Variants in TRHDE observed in about 807,000 individuals in gnomAD.
TRHDE encodes thyrotropin-releasing hormone-degrading ectoenzyme.
A neutral mutation model predicts 125.7 loss-of-function variants in TRHDE; 72 were observed. The ratio of observed to expected loss-of-function variants is 0.57; its 90% confidence interval spans 0.47 to 0.70. The LOEUF is 0.70. TRHDE is among the 30% of genes least tolerant of loss of function. The probability of loss-of-function intolerance (pLI) is 0.00; values close to 1 mark genes in which losing one functional copy is unlikely to be tolerated. For synonymous variants in TRHDE, 509 were observed against 509.1 expected (o/e 1.00, Z 0.00); for missense variants, 1,110 against 1,327.1 (o/e 0.84, Z 2.54).
intron 2 of TRHDE, among the ~76,000 whole-genome samples, chr12:72,310,909 G>A (rs936821530): frequency 1.3e-5 from 2 of 152,028 alleles, no homozygotes; most frequent in African/African-American, 4.8e-5. Flanking sequence ...CTGCATTTGA[G>A]CTTCATGGAG....
At chr12:72,474,432 T>C (rs1592472302) in intron 5 of TRHDE, among the ~76,000 whole-genome samples, 1 of 152,110 alleles carries the variant, frequency 6.6e-6, no homozygotes, top group African/African-American at 2.4e-5. Context: ...CATCCTTGTT[T>C]CCTCCTCCCC....
At chr12:72,494,802 G>A (rs1877834053) in intron 5 of TRHDE, among the ~76,000 whole-genome samples, 1 of 152,024 alleles carries the variant, frequency 6.6e-6, no homozygotes, top group African/African-American at 2.4e-5. Context: ...TGCTAATATT[G>A]TAATAAATAA....
At chr12:72,252,919 T>C (rs1382941986) in intron 2 of TRHDE, among the ~76,000 whole-genome samples, 2 of 152,220 alleles carry the variant, frequency 1.3e-5, no homozygotes, top group East Asian at 3.9e-4. Context: ...CTTGGGTTGA[T>C]TGTAAATGTG....
chr12:72,415,251 G>T (rs919111509), intron 3 of TRHDE, among the ~76,000 whole-genome samples: 2 of 152,004 alleles, frequency 1.3e-5, no homozygotes, highest in Non-Finnish European at 2.9e-5. Context: ...AGTTGTAATG[G>T]ATATATAATA....
At chr12:72,462,582 G>T (rs1485774852) in intron 3 of TRHDE, among the ~76,000 whole-genome samples, 1 of 152,156 alleles carries the variant, frequency 6.6e-6, no homozygotes, top group Non-Finnish European at 1.5e-5. Flanking sequence ...GTTACCTTTT[G>T]AATATTAGCC....
chr12:72,351,226 C>G lies in TRHDE; in HGVS notation c.1189-26769C>G, dbSNP rs372554267. On this transcript the variant is annotated intron_variant, in intron 2 of 18. Coordinates refer to ENST00000261180, the MANE Select transcript of TRHDE (RefSeq NM_013381.3). ...GTGCTGAAGAAACAAATGAGGTTAA[C>G]AGCAATGAAAGTAATGGATGTCCCA... Among the ~76,000 whole-genome samples, 6 of 152,068 alleles carry G rather than the reference C, an allele frequency of 3.9e-5. No homozygotes were observed. In the South Asian group the frequency reaches 1.2e-3, roughly 32 times the overall value.
At chr12:72,344,553 G>T (rs1471087108) in intron 2 of TRHDE, among the ~76,000 whole-genome samples, 1 of 152,092 alleles carries the variant, frequency 6.6e-6, no homozygotes, top group African/African-American at 2.4e-5. Flanking sequence ...CGTGTGCCAT[G>T]TCCTGGTTTG....
chr12:72,187,462 G>GGTTGTGGTT (rs1692215661), intron 2 of TRHDE, among the ~76,000 whole-genome samples: 1 of 145,260 alleles, frequency 6.9e-6, no homozygotes. Flanking sequence ...TGGTGGTGGT[G>GGTTGTGGTT]GTGGTGGTTG....
At chr12:72,499,960 C>A (rs1878079243) in intron 6 of TRHDE, among the ~76,000 whole-genome samples, 1 of 151,730 alleles carries the variant, frequency 6.6e-6, no homozygotes, top group South Asian at 2.1e-4. Flanking sequence ...GAGGGCTGAC[C>A]CATATAGTGA....
intron 3 of TRHDE, among the ~76,000 whole-genome samples, chr12:72,411,067 G>A (rs1210261812): frequency 6.6e-6 from 1 of 151,910 alleles, no homozygotes; most frequent in East Asian, 1.9e-4. Context: ...GCTGGGCGTG[G>A]TGGCAGGCAC....
chr12:72,300,025 T>C (rs1026458430), intron 2 of TRHDE, among the ~76,000 whole-genome samples: 23 of 152,128 alleles, frequency 1.5e-4, no homozygotes, highest in Non-Finnish European at 3.1e-4. Context: ...GACCACTGGG[T>C]TTTCTTAGAG....
chr12:72,438,606 T>G (rs1021204362), intron 3 of TRHDE, among the ~76,000 whole-genome samples: 1 of 151,892 alleles, frequency 6.6e-6, no homozygotes, highest in African/African-American at 2.4e-5. Flanking sequence ...TTTCATCAGA[T>G]TTTTTTGTGA....
intron 3 of TRHDE, among the ~76,000 whole-genome samples, chr12:72,441,574 C>G (rs1875014890): frequency 1.3e-5 from 2 of 151,818 alleles, no homozygotes; most frequent in Admixed American, 6.6e-5. Flanking sequence ...TCTGGAGAAT[C>G]TCTGAAAATG....
intron 1 of TRHDE, among the ~76,000 whole-genome samples, chr12:72,093,725 T>C (rs1874845363): frequency 6.6e-6 from 1 of 152,226 alleles, no homozygotes; most frequent in Non-Finnish European, 1.5e-5. Flanking sequence ...TCATTCATTG[T>C]TTGCCTAATT....
intron 18 of TRHDE, among the ~76,000 whole-genome samples, chr12:72,657,766 T>C (rs1055751502): frequency 8.5e-5 from 13 of 152,104 alleles, no homozygotes; most frequent in Admixed American, 7.9e-4. Flanking sequence ...GGGGAGAGGG[T>C]TAAGGATGAA....
At chr12:72,509,556 G>A (rs1878499444) in intron 6 of TRHDE, among the ~76,000 whole-genome samples, 1 of 152,112 alleles carries the variant, frequency 6.6e-6, no homozygotes, top group South Asian at 2.1e-4. Context: ...TAGTGTCATG[G>A]TCCCAGCTTG....
At chr12:72,470,414 T>C (rs1225334765) in intron 4 of TRHDE, among the ~76,000 whole-genome samples, 1 of 152,240 alleles carries the variant, frequency 6.6e-6, no homozygotes, top group Admixed American at 6.5e-5. Flanking sequence ...CTCAAATGAT[T>C]GATATTTTTT....
chr12:72,137,087 GAAGAC>G (rs764874585), intron 2 of TRHDE, among the ~76,000 whole-genome samples: 11 of 152,134 alleles, frequency 7.2e-5, no homozygotes, highest in Non-Finnish European at 1.0e-4. Context: ...AAAAGAATAG[GAAGAC>G]ATTCTCAAGG....
chr12:72,366,659 C>T (rs928656918), intron 2 of TRHDE, among the ~76,000 whole-genome samples: 2 of 151,926 alleles, frequency 1.3e-5, no homozygotes, highest in Non-Finnish European at 2.9e-5. Flanking sequence ...GTATAAGAGC[C>T]TATAAACCTA....
Sources: allele counts gnomAD v4.1 joint callset (sites outside exome capture counted in the v4.1 genomes callset), GRCh38; gene constraint gnomAD v4.1.1; transcripts MANE v1.5; gene names NCBI Gene and HGNC (gene_info 2026-07-23, HGNC 2026-07-21).